Variants in GPRC6A observed in about 807,000 individuals in gnomAD.
GPRC6A encodes the protein G protein-coupled receptor class C group 6 member A.
In GPRC6A, 54 loss-of-function variants were observed where a neutral mutation model predicts 47.0. The observed-to-expected ratio is 1.15, with a 90% CI of 0.92 to 1.44. The LOEUF is 1.44. Ranked by LOEUF, GPRC6A falls within the 40% of genes most tolerant of loss-of-function variation. The pLI is 0.00. For missense variants in GPRC6A, 1,112 were observed against 1,105.5 expected, an observed-to-expected ratio of 1.01 and a Z score of -0.08; for synonymous variants, 347 against 377.1, an observed-to-expected ratio of 0.92 and a Z score of 0.93.
In GPRC6A at chr6:116,809,610, T is replaced by C. The variant is rs760798137; in HGVS notation, c.202A>G (p.Ile68Val). ...GCAAGAGTTTGAAGAAAAACTGATA[T>C]TTCAAAGCTGTTGGGAAACAAGTAT... ...PQIQECVGFEISVFLQTLAMI... is the reference protein window; with the variant it reads ...PQIQECVGFEVSVFLQTLAMI... Residue 68 changes from isoleucine (I) to valine (V), a missense_variant, in exon 2 of 6, where the codon ATA (isoleucine) becomes GTA (valine). Transcript: ENST00000310357. The C allele has an allele frequency of 6.2e-7, 1 of 1,604,392 alleles. No homozygotes were observed. The highest frequency in any genetic ancestry group is 2.2e-5 in the East Asian group (1 of 44,724).
chr6:116,820,571 T>G (rs1396888352), intron 1 of GPRC6A, among the ~76,000 whole-genome samples: 1 of 148,748 alleles, frequency 6.7e-6, no homozygotes, highest in Admixed American at 6.7e-5. Flanking sequence ...AATCAATAAA[T>G]GTAATCCAGC....
intron 1 of GPRC6A, among the ~76,000 whole-genome samples, chr6:116,816,756 G>A (rs981524068): frequency 3.3e-5 from 5 of 152,206 alleles, no homozygotes; most frequent in East Asian, 3.9e-4. Context: ...TTCCCTTTCC[G>A]AGTCAAAGAA....
rs778009563 is a variant in GPRC6A, at chr6:116,806,834, T to G, written c.871A>C (p.Ile291Leu). 9.9e-6 allele frequency: 16 copies of G among 1,613,366 alleles called. No individual in the cohort carries two copies. The East Asian group carries it at 3.6e-4, about 36-fold the overall frequency. ...CACATCTTATTTATATTCATTTCAA[T>G]GGCTTTATTGAAGAGATCAAAAACA... ...FHVFDLFNKA[I>L]EMNINKMWIA... Residue 291 changes from isoleucine to leucine, a missense_variant, in exon 3 of 6, where the codon ATT (isoleucine) becomes CTT (leucine). Ile to Leu is a conservative substitution (Grantham distance 5). Coordinates refer to ENST00000310357, the MANE Select transcript of GPRC6A (RefSeq NM_148963.4).
chr6:116,821,387 A>G (rs1218769233), intron 1 of GPRC6A, among the ~76,000 whole-genome samples: 5 of 152,138 alleles, frequency 3.3e-5, no homozygotes, highest in African/African-American at 4.8e-5. Flanking sequence ...ACCAAAAAAG[A>G]GCCCGCATCG....
chr6:116,795,666 A>G lies in GPRC6A; in HGVS notation c.1672+46T>C, dbSNP rs754796926. 2.1e-6 allele frequency: 3 copies of G among 1,427,470 alleles called. No individual in the cohort carries two copies. In the Admixed American group the frequency reaches 7.2e-5, roughly 34 times the overall value. 88.4% of individuals were successfully genotyped at this position (1,427,470 alleles called of 1,614,324 possible). A position where few individuals can be genotyped will look rare whatever the true frequency, so the allele number is the denominator to read the frequency against. On this transcript the variant is annotated intron_variant, in intron 5 of 5. Transcript: ENST00000310357. ...ATAAAATTCATGCAAAGAAAAAAAAAGCCTAAGAGGAATGATTCAGGTGTA... is the reference window on the plus strand; with the variant it reads ...ATAAAATTCATGCAAAGAAAAAAAAGGCCTAAGAGGAATGATTCAGGTGTA...
intron 3 of GPRC6A, among the ~76,000 whole-genome samples, chr6:116,805,506 T>C (rs1443380016): frequency 6.6e-6 from 1 of 152,080 alleles, no homozygotes; most frequent in Non-Finnish European, 1.5e-5. Context: ...CCTCAGGACA[T>C]ACAAGTTTGC....
rs1031955059 is a variant in GPRC6A at position 116,799,361 on chromosome 6, G to A, written c.1548+1223C>T. On this transcript the variant is annotated intron_variant, in intron 4 of 5. Coordinates refer to ENST00000310357, the MANE Select transcript of GPRC6A (RefSeq NM_148963.4). The stretch of plus-strand genomic sequence containing the variant: ...AAAGAGGAGCAGTTCTGAGTCCTGG[G>A]CACCTGAATGATTAGAGGTAGTGTG... 5.3e-5 allele frequency among the ~76,000 whole-genome samples: 8 copies of A among 152,108 alleles called. 1 individual carries two copies. The highest frequency in any genetic ancestry group is 1.2e-4 in the Non-Finnish European group (8 of 68,018).
intron 1 of GPRC6A, among the ~76,000 whole-genome samples, chr6:116,819,501 A>G (rs1179455083): frequency 6.6e-6 from 1 of 152,172 alleles, no homozygotes; most frequent in Non-Finnish European, 1.5e-5. Flanking sequence ...AGATTATAAC[A>G]AACTATCTCT....
chr6:116,796,157 T>C (rs1040303256), intron 4 of GPRC6A, among the ~76,000 whole-genome samples: 1 of 152,128 alleles, frequency 6.6e-6, no homozygotes, highest in African/African-American at 2.4e-5. Flanking sequence ...TTGGAAAGTT[T>C]CAATCCCATG....
intron 1 of GPRC6A, among the ~76,000 whole-genome samples, chr6:116,824,109 A>T (rs1773597863): frequency 2.0e-5 from 3 of 152,250 alleles, no homozygotes; most frequent in African/African-American, 4.8e-5. Context: ...AGCAGTACTA[A>T]GAAGGAAGTA....
At chr6:116,801,140 A>G (rs1194970495) in intron 3 of GPRC6A, among the ~76,000 whole-genome samples, 1 of 152,186 alleles carries the variant, frequency 6.6e-6, no homozygotes, top group Non-Finnish European at 1.5e-5. Flanking sequence ...TCTCTCATCA[A>G]TGCAAGTACA....
At chr6:116,807,570 T>C (rs1184300533) in intron 2 of GPRC6A, among the ~76,000 whole-genome samples, 1 of 152,276 alleles carries the variant, frequency 6.6e-6, no homozygotes, top group East Asian at 1.9e-4. Flanking sequence ...GGAACATCAG[T>C]GTGTGCAAAA....
chr6:116,808,050 T>C (rs1040748276), intron 2 of GPRC6A, among the ~76,000 whole-genome samples: 4 of 151,878 alleles, frequency 2.6e-5, no homozygotes, highest in Non-Finnish European at 4.4e-5. Context: ...GGAAAGACAA[T>C]AGGCTTGGGA....
At position 116,806,561 on chromosome 6, in the gene GPRC6A, T is replaced by C. The variant is rs140120868; in HGVS notation, c.1144A>G (p.Arg382Gly). 515 of 1,613,666 alleles carry C rather than the reference T, an allele frequency of 3.2e-4. No homozygotes were observed. Among genetic ancestry groups the C allele is most frequent in the African/African-American group, 2.2e-3 (168 of 75,030 alleles). The change falls in exon 3 of 6, where the codon AGG (arginine) becomes GGG (glycine). Residue 382 changes from arginine (R) to glycine (G), a missense_variant. Arg to Gly is a moderately radical substitution (Grantham distance 125). Coordinates refer to ENST00000310357, the MANE Select transcript of GPRC6A (RefSeq NM_148963.4). ...TTGTTAGCCTTGTAGGCCAAAGTCC[T>C]TTGAGAATGATTGAATATGCATTGA... ...LSQCIFNHSQ[R>G]TLAYKANKAI...
upstream of GPRC6A, chr6:116,829,085 C>G: frequency 6.6e-7 from 1 of 1,520,574 alleles, no homozygotes; most frequent in South Asian, 1.4e-5. Flanking sequence ...CAGCAAGATT[C>G]CTATTTCACC....
rs142066905 is a variant in GPRC6A at position 116,795,802 on chromosome 6, G to A, written c.1582C>T (p.Pro528Ser). 478 of 1,606,704 alleles carry A rather than the reference G, an allele frequency of 3.0e-4. 4 individuals are homozygous for A. The African/African-American group carries it at 5.3e-3, about 18-fold the overall frequency. ...CTTGTAGTTTTCTTCATTTGCCCAGGACTGCATTCCTTGGAGCATTTAGAT... is the reference window on the plus strand; with the variant it reads ...CTTGTAGTTTTCTTCATTTGCCCAGAACTGCATTCCTTGGAGCATTTAGAT... ...IQSKCSKECS[P>S]GQMKKTTRSQ... is the part of the protein sequence containing the mutation. The change falls in exon 5 of 6, where the codon CCT becomes TCT. Residue 528 changes from proline (P) to serine (S), a missense_variant. Pro to Ser is a moderately conservative substitution (Grantham distance 74). Coordinates refer to ENST00000310357, the MANE Select transcript of GPRC6A (RefSeq NM_148963.4).
intron 1 of GPRC6A, among the ~76,000 whole-genome samples, chr6:116,816,882 T>C (rs1773232457): frequency 1.3e-5 from 2 of 150,560 alleles, no homozygotes; most frequent in Admixed American, 6.7e-5. Flanking sequence ...GCTCAGAGGG[T>C]CCTACGCCCA....
Position 116,809,622 on chromosome 6 carries a change from TG to T in GPRC6A, c.195-6del. 6.3e-6 allele frequency: 10 copies of T among 1,598,440 alleles called. No individual in the cohort carries two copies. Among genetic ancestry groups the T allele is most frequent in the Non-Finnish European group, 8.5e-6 (10 of 1,169,788 alleles). On this transcript the variant is annotated splice_region_variant and splice_polypyrimidine_tract_variant and intron_variant, in intron 1 of 5. Coordinates refer to ENST00000310357, the MANE Select transcript of GPRC6A (RefSeq NM_148963.4). ...AGAAAAACTGATATTTCAAAGCTGTTGGGAAACAAGTATTTTTTGAAATCAG... is the reference window on the plus strand; with the variant it reads ...AGAAAAACTGATATTTCAAAGCTGTTGGAAACAAGTATTTTTTGAAATCAG...
intron 2 of GPRC6A, among the ~76,000 whole-genome samples, chr6:116,807,713 A>G (rs9481674): frequency 0.029 from 4,416 of 152,272 alleles, 166 homozygotes; most frequent in African/African-American, 0.089. Context: ...TTTTGGTCAT[A>G]TATAGTCTCT....
Sources: gnomAD v4.1 joint callset for allele counts (sites outside exome capture counted in the v4.1 genomes callset) on GRCh38, gnomAD v4.1.1 for gene constraint, MANE v1.5 for transcripts, NCBI Gene and HGNC (gene_info 2026-07-23, HGNC 2026-07-21) for gene names.